The following ANKRD28 variants were observed in gnomAD, a reference collection of about 807,000 sequenced individuals.
The protein encoded by ANKRD28 is serine/threonine-protein phosphatase 6 regulatory ankyrin repeat subunit A.
Under a neutral mutation model 126.5 loss-of-function variants are expected in ANKRD28, and 44 were observed. That is an observed-to-expected ratio of 0.35 (90% CI 0.27 to 0.45). The LOEUF is 0.45. ANKRD28 is among the 20% of genes least tolerant of loss of function. The pLI is 1.00. For missense variants in ANKRD28, 1,110 were observed against 1,316.6 expected, an observed-to-expected ratio of 0.84 and a Z score of 2.43; for synonymous variants, 442 against 468.5, an observed-to-expected ratio of 0.94 and a Z score of 0.73.
In ANKRD28 at chr3:15,797,563, A is replaced by G. The variant is rs768212762; in HGVS notation, c.-1042T>C. The G allele has an allele frequency of 3.2e-4, 315 of 985,136 alleles. No individual in the cohort carries two copies. The highest frequency in any genetic ancestry group is 4.3e-4 in the Admixed American group (7 of 16,240). 61.0% of individuals were successfully genotyped at this position (985,136 alleles called of 1,614,324 possible). A position where few individuals can be genotyped will look rare whatever the true frequency, so the allele number is the denominator to read the frequency against. On this transcript the variant is annotated 5_prime_UTR_variant, in exon 1 of 28. Coordinates refer to ENST00000683139, the MANE Select transcript of ANKRD28 (RefSeq NM_001349278.2). ...TTCAGGCTTTTTGTTTTCTTTAAAA[A>G]AAAAAAGGGGGGGGAAAAACATAGT...
At position 15,737,032 on chromosome 3, in the gene ANKRD28, C is replaced by T; in HGVS notation, c.552+1G>A. ...TAATGGTCTAATTGAATGCCACCTACCTCACCATGTCCACTGAAAGCTGCA... is the reference window on the plus strand; with the variant it reads ...TAATGGTCTAATTGAATGCCACCTATCTCACCATGTCCACTGAAAGCTGCA... On this transcript the variant is annotated splice_donor_variant, in intron 5 of 27. Coordinates refer to ENST00000683139, the MANE Select transcript of ANKRD28 (RefSeq NM_001349278.2). LOFTEE classifies it high-confidence loss of function. 1.2e-6 allele frequency: 2 copies of T among 1,613,866 alleles called. No individual in the cohort carries two copies. The highest frequency in any genetic ancestry group is 1.7e-6 in the Non-Finnish European group (2 of 1,179,822).
chr3:15,832,857 G>A (rs148882120), intron 1 of ANKRD28, among the ~76,000 whole-genome samples: 126 of 152,194 alleles, frequency 8.3e-4, no homozygotes, highest in African/African-American at 2.8e-3. Context: ...CTGATTCCAC[G>A]TATATGCTAC....
intron 2 of ANKRD28, among the ~76,000 whole-genome samples, chr3:15,783,157 G>A (rs1260774621): frequency 1.3e-5 from 2 of 151,710 alleles, no homozygotes; most frequent in Admixed American, 6.6e-5. Context: ...GCCACAGATC[G>A]AGGATTTGTT....
At position 15,854,206 on chromosome 3, in the gene ANKRD28, T is replaced by G. The variant is rs2061713140; in HGVS notation, c.27+5171A>C. ...AACGTCCCATCACTTACCAATGAAG[T>G]CCAAACTTCTCAGCCTGGGATTCAA... On this transcript the variant is annotated intron_variant, in intron 1 of 27. Coordinates refer to the ANKRD28 transcript ENST00000399451. The surrounding 1 kb of genome is among the most constrained non-coding windows in gnomAD (Gnocchi z 4.1). 6.6e-6 allele frequency among the ~76,000 whole-genome samples: 1 copy of G among 152,222 alleles called. No homozygotes were observed. Among genetic ancestry groups the G allele is most frequent in the African/African-American group, 2.4e-5 (1 of 41,446 alleles).
intron 3 of ANKRD28, among the ~76,000 whole-genome samples, chr3:15,761,024 C>T (rs534712119): frequency 1.3e-5 from 2 of 152,218 alleles, no homozygotes; most frequent in Non-Finnish European, 2.9e-5. Flanking sequence ...AAGGAAATGA[C>T]TCTAAAATAA....
At chr3:15,692,551 T>A (rs754450076) in intron 17 of ANKRD28, among the ~76,000 whole-genome samples, 5 of 152,216 alleles carry the variant, frequency 3.3e-5, no homozygotes, top group African/African-American at 4.8e-5. Flanking sequence ...GATATCCTTG[T>A]ATGGGACTGA....
chr3:15,779,922 C>T (rs1397080117), intron 2 of ANKRD28, among the ~76,000 whole-genome samples: 1 of 152,098 alleles, frequency 6.6e-6, no homozygotes, highest in East Asian at 1.9e-4. Context: ...AATTACACAT[C>T]AATAACAGGT....
At chr3:15,746,456 A>C (rs2057482248) in intron 4 of ANKRD28, among the ~76,000 whole-genome samples, 1 of 152,148 alleles carries the variant, frequency 6.6e-6, no homozygotes, top group Non-Finnish European at 1.5e-5. Context: ...TTCTGCATCT[A>C]TTGGGATGAT....
intron 27 of ANKRD28, among the ~76,000 whole-genome samples, chr3:15,671,024 A>C (rs2066284292): frequency 6.6e-6 from 1 of 152,260 alleles, no homozygotes; most frequent in Non-Finnish European, 1.5e-5. Flanking sequence ...AAATGTGTAC[A>C]GCTTCATGAA....
intron 2 of ANKRD28, among the ~76,000 whole-genome samples, chr3:15,787,957 A>G (rs2059855715): frequency 1.3e-5 from 2 of 152,220 alleles, no homozygotes; most frequent in African/African-American, 4.8e-5. Context: ...TAAGCAGAAT[A>G]TACAAGGTAA....
At chr3:15,714,477 T>C in intron 9 of ANKRD28, 101 bp downstream of exon 9, 1 of 825,336 alleles carries the variant, frequency 1.2e-6, no homozygotes, top group Non-Finnish European at 1.8e-6. Flanking sequence ...ATACACAAAA[T>C]GCGATGACAA....
chr3:15,707,828 C>A, intron 14 of ANKRD28, 96 bp downstream of exon 14: 2 of 1,423,980 alleles, frequency 1.4e-6, no homozygotes, highest in South Asian at 1.4e-5. Flanking sequence ...ACAAAAAATA[C>A]AAAGAGGAAA....
intron 1 of ANKRD28, among the ~76,000 whole-genome samples, chr3:15,819,868 A>G (rs1318344636): frequency 6.6e-6 from 1 of 152,216 alleles, no homozygotes; most frequent in African/African-American, 2.4e-5. Context: ...AGTGATTCTA[A>G]TTCAGAGCTA....
At chr3:15,746,352 A>G (rs1213721143) in intron 4 of ANKRD28, among the ~76,000 whole-genome samples, 2 of 152,208 alleles carry the variant, frequency 1.3e-5, no homozygotes, top group African/African-American at 4.8e-5. Context: ...AGTTTGTCAT[A>G]GACAGCTTCT....
intron 12 of ANKRD28, among the ~76,000 whole-genome samples, chr3:15,710,497 T>TA (rs930437206): frequency 6.6e-6 from 1 of 152,122 alleles, no homozygotes; most frequent in Admixed American, 6.6e-5. Context: ...CTCTACAACT[T>TA]AGACTGTGCT....
At chr3:15,760,293 A>G (rs1198089701) in intron 3 of ANKRD28, among the ~76,000 whole-genome samples, 1 of 152,166 alleles carries the variant, frequency 6.6e-6, no homozygotes, top group Non-Finnish European at 1.5e-5. Flanking sequence ...CACATGACTT[A>G]ACTTTACCTA....
chr3:15,813,649 T>C (rs2060772642), intron 1 of ANKRD28, among the ~76,000 whole-genome samples: 2 of 152,186 alleles, frequency 1.3e-5, no homozygotes, highest in South Asian at 4.1e-4. Flanking sequence ...GCCTAACAAA[T>C]ACTACCAATG....
At chr3:15,685,968 G>C (rs750867690) in intron 20 of ANKRD28, 34 bp downstream of exon 20, 4 of 1,557,356 alleles carry the variant, frequency 2.6e-6, no homozygotes, top group South Asian at 2.3e-5. Context: ...GGTCATAAAA[G>C]CTTTTTGAAA....
At chr3:15,769,484 A>C (rs1022337192) in intron 2 of ANKRD28, among the ~76,000 whole-genome samples, 1 of 152,226 alleles carries the variant, frequency 6.6e-6, no homozygotes, top group African/African-American at 2.4e-5. Context: ...AAAATGATTA[A>C]GTATATTTAT....
Sources: gnomAD v4.1 joint callset for allele counts (sites outside exome capture counted in the v4.1 genomes callset) on GRCh38, gnomAD v4.1.1 for gene constraint, Gnocchi (gnomAD v3.1) non-coding constraint, MANE v1.5 for transcripts, NCBI Gene and HGNC (gene_info 2026-07-23, HGNC 2026-07-21) for gene names.